TRIP11: variants seen among roughly 807,000 people sequenced by gnomAD.
TRIP11 encodes thyroid hormone receptor interactor 11.
A neutral mutation model predicts 223.1 loss-of-function variants in TRIP11; 148 were observed. The ratio of observed to expected loss-of-function variants is 0.66; its 90% CI spans 0.58 to 0.76. The LOEUF is 0.76. Among genes scored for constraint, TRIP11 ranks in the 30% least tolerant of loss-of-function variants. The pLI, the probability that TRIP11 is intolerant of heterozygous loss-of-function variation, is 0.00. For synonymous variants in TRIP11, 762 were observed against 772.6 expected (o/e 0.99, Z 0.23); for missense variants, 2,043 against 2,222.0 (o/e 0.92, Z 1.62).
At position 91,976,235 on chromosome 14, in the gene TRIP11, T is replaced by C. The variant is rs1482439349; in HGVS notation, c.5261-46A>G. On this transcript the variant is annotated intron_variant, in intron 16 of 20. Coordinates refer to ENST00000267622, the MANE Select transcript of TRIP11 (RefSeq NM_004239.4). Reference sequence around the variant, plus strand: ...AAAGATAGCCATTAACTGATTAAAATAGTCTGGATGACTATATAATGAAAT... The same window carrying C: ...AAAGATAGCCATTAACTGATTAAAACAGTCTGGATGACTATATAATGAAAT... The C allele has an allele frequency of 2.7e-6, 4 of 1,503,118 alleles. No individual in the cohort carries two copies. In the African/African-American group the frequency reaches 4.1e-5, roughly 15 times the overall value. The allele number at this position is 1,503,118 out of a possible 1,614,324, so 93.1% of individuals were successfully genotyped here.
intron 15 of TRIP11, among the ~76,000 whole-genome samples, chr14:91,991,657 C>T (rs1566850946): frequency 6.6e-6 from 1 of 152,114 alleles, no homozygotes; most frequent in South Asian, 2.1e-4. Flanking sequence ...ATCTGAAATA[C>T]CCTTTATTAA....
chr14:92,013,441 T>C (rs2056997869), intron 7 of TRIP11, among the ~76,000 whole-genome samples: 4 of 152,220 alleles, frequency 2.6e-5, no homozygotes, highest in Admixed American at 1.3e-4. Flanking sequence ...TGTTAACCTG[T>C]CCAAGGTCAG....
chr14:91,971,502 A>C (rs2056399951), intron 20 of TRIP11, among the ~76,000 whole-genome samples: 1 of 151,632 alleles, frequency 6.6e-6, no homozygotes, highest in South Asian at 2.1e-4. Context: ...TGATACAAGA[A>C]AGGGGAAAGG....
Position 92,004,443 on chromosome 14 carries a change from T to A in TRIP11, c.3533A>T (p.Gln1178Leu). The A allele has an allele frequency of 1.2e-6, 2 of 1,613,906 alleles. No individual in the cohort carries two copies. Among genetic ancestry groups the A allele is most frequent in the Admixed American group, 1.7e-5 (1 of 60,020 alleles). The change falls in exon 11 of 21, where the codon CAG (glutamine) becomes CTG (leucine). Residue 1178 changes from glutamine (Q) to leucine (L), a missense_variant. Gln to Leu is a moderately radical substitution (Grantham distance 113). Transcript: ENST00000267622. Reference protein sequence around the residue: ...EKDIEIDALSQKCQTLLAVLQ... With the variant: ...EKDIEIDALSLKCQTLLAVLQ... ...AACTGCCAATAAAGTCTGACATTTC[T>A]GACTTAGTGCATCTATTTCGATGTC...
Position 92,015,845 on chromosome 14 carries a change from C to A in TRIP11, c.674G>T (p.Arg225Leu). Residue 225 changes from arginine (R) to leucine (L), a missense_variant, in exon 6 of 21, where the codon CGA becomes CTA. Physicochemically the swap from Arg to Leu is moderately radical, Grantham distance 102. Coordinates refer to ENST00000267622, the MANE Select transcript of TRIP11 (RefSeq NM_004239.4). ...TTGATGGTCATCAATTTCCTGACTT[C>A]GGTTCTGTTTTAGTTCCTTAAAAAA... is the stretch of plus-strand genomic sequence containing the variant. ...QNIIKELKQN[R>L]SQEIDDHQHE... is the part of the protein sequence containing the mutation. 1 of 1,611,310 alleles carries A rather than the reference C, an allele frequency of 6.2e-7. No homozygotes were observed. Among genetic ancestry groups the A allele is most frequent in the Non-Finnish European group, 8.5e-7 (1 of 1,179,366 alleles).
intron 16 of TRIP11, among the ~76,000 whole-genome samples, chr14:91,982,186 A>C (rs2056553779): frequency 6.6e-6 from 1 of 152,154 alleles, no homozygotes; most frequent in African/African-American, 2.4e-5. Flanking sequence ...AATATAACCA[A>C]ATCAAATTTA....
chr14:92,002,575 TTTTC>T (rs931333518), intron 11 of TRIP11, among the ~76,000 whole-genome samples: 1 of 151,910 alleles, frequency 6.6e-6, no homozygotes, highest in East Asian at 1.9e-4. Flanking sequence ...CTTTTTTTTT[TTTTC>T]TTTTTCTTTT....
At chr14:92,020,309 C>CAGAA (rs1403797372) in intron 4 of TRIP11, among the ~76,000 whole-genome samples, 2 of 151,624 alleles carry the variant, frequency 1.3e-5, no homozygotes, top group East Asian at 3.9e-4. Context: ...ATCTGAAACA[C>CAGAA]TTCTAGTCTC....
At chr14:92,029,632 G>T (rs893937236) in intron 2 of TRIP11, among the ~76,000 whole-genome samples, 2 of 117,914 alleles carry the variant, frequency 1.7e-5, no homozygotes, top group African/African-American at 7.0e-5. Flanking sequence ...CTTTTTAAAA[G>T]AAAACAGCTG....
At chr14:92,003,150 C>G (rs1434222268) in intron 11 of TRIP11, among the ~76,000 whole-genome samples, 1 of 152,138 alleles carries the variant, frequency 6.6e-6, no homozygotes, top group Non-Finnish European at 1.5e-5. Context: ...TGAGACACAT[C>G]TGTTTCCTAA....
chr14:91,989,703 G>A lies in TRIP11; in HGVS notation c.5161-1320C>T, dbSNP rs2056649414. ...TTATTCAATCAAATATGATCTAGAT[G>A]TTGCTGTGAAGGTATTCTGCAAATG... On this transcript the variant is annotated intron_variant, in intron 15 of 20. Transcript: ENST00000267622. Among the ~76,000 whole-genome samples, 3 of 151,900 alleles carry A rather than the reference G, an allele frequency of 2.0e-5. No homozygotes were observed. In the South Asian group the frequency reaches 6.2e-4, roughly 32 times the overall value.
At position 92,005,850 on chromosome 14, in the gene TRIP11, G is replaced by A. The variant is rs1237200677; in HGVS notation, c.2126C>T (p.Thr709Ile). 2 of 1,613,976 alleles carry A rather than the reference G, an allele frequency of 1.2e-6. No homozygotes were observed. Among genetic ancestry groups the A allele is most frequent in the East Asian group, 2.2e-5 (1 of 44,850 alleles). The part of the protein sequence containing the change: ...GNNQLSLEKN[T>I]IVETLKMEKG... The stretch of plus-strand genomic sequence containing the variant: ...TTCCATTTTTAGAGTCTCCACAATA[G>A]TGTTTTTTTCCAGAGAAAGCTGATT... Residue 709 changes from threonine (T) to isoleucine (I), a missense_variant, in exon 11 of 21, where the codon ACT becomes ATT. By Grantham distance (89) the Thr-to-Ile change is moderately conservative. Transcript: ENST00000267622.
intron 3 of TRIP11, among the ~76,000 whole-genome samples, chr14:92,022,120 C>CA (rs1393380947): frequency 6.6e-6 from 1 of 152,194 alleles, no homozygotes; most frequent in African/African-American, 2.4e-5. Flanking sequence ...GCTATCTTCT[C>CA]TGCATGGAGT....
chr14:92,021,575 T>C lies in TRIP11; in HGVS notation c.569A>G (p.His190Arg), dbSNP rs769147539. ...EVSRLESEVGHWRHIAQTSKA... is the reference protein window; with the variant it reads ...EVSRLESEVGRWRHIAQTSKA... The stretch of plus-strand genomic sequence containing the variant: ...ATCTACCTGAGCAATATGCCTCCAA[T>C]GGCCAACTTCAGACTCAAGTCTTGA... Residue 190 changes from histidine (H) to arginine (R), a missense_variant, in exon 4 of 21, where the codon CAT (histidine) becomes CGT (arginine). By Grantham distance (29) the His-to-Arg change is conservative (BLOSUM62 0). Transcript: ENST00000267622. 6.2e-7 allele frequency: 1 copy of C among 1,614,188 alleles called. No homozygotes were observed. Among genetic ancestry groups the C allele is most frequent in the Non-Finnish European group, 8.5e-7 (1 of 1,180,028 alleles).
At chr14:92,003,290 C>T in intron 11 of TRIP11, 129 bp downstream of exon 11, 1 of 1,315,956 alleles carries the variant, frequency 7.6e-7, no homozygotes, top group Non-Finnish European at 1.0e-6. Context: ...GAATGAATCA[C>T]ACCTTGAAAT....
intron 8 of TRIP11, among the ~76,000 whole-genome samples, 186 bp from the exon 9 acceptor site, chr14:92,011,258 G>A (rs377594563): frequency 6.6e-6 from 1 of 152,104 alleles, no homozygotes; most frequent in East Asian, 1.9e-4. Context: ...TTGGGAGGCT[G>A]AGGCAGGCAG....
At chr14:92,009,518 G>A (rs373560850) in intron 9 of TRIP11, among the ~76,000 whole-genome samples, 4 of 152,152 alleles carry the variant, frequency 2.6e-5, no homozygotes, top group East Asian at 1.9e-4. Flanking sequence ...AACTACAAAC[G>A]ACTAGGTCAG....
At position 92,011,056 on chromosome 14, in the gene TRIP11, T is replaced by A; in HGVS notation, c.1244A>T (p.Glu415Val). 7.4e-6 allele frequency: 12 copies of A among 1,614,062 alleles called. No individual in the cohort carries two copies. Among genetic ancestry groups the A allele is most frequent in the African/African-American group, 1.3e-5 (1 of 75,036 alleles). The stretch of plus-strand genomic sequence containing the variant: ...ACGCATTTTAAGTTTCAGATTGTCT[T>A]CAGCAAGACTGTTATCCTACAAAAA... The part of the protein sequence containing the change: ...SSLNQDNSLA[E>V]DNLKLKMRIE... Residue 415 changes from glutamate (E) to valine (V), a missense_variant, in exon 9 of 21, where the codon GAA becomes GTA. By Grantham distance (121) the Glu-to-Val change is moderately radical. Transcript: ENST00000267622.
Position 91,974,762 on chromosome 14 carries a change from A to G in TRIP11, c.5458-19T>C. On this transcript the variant is annotated intron_variant, in intron 18 of 20. Coordinates refer to ENST00000267622, the MANE Select transcript of TRIP11 (RefSeq NM_004239.4). ...GAAACAACTGAAAGATTATTTTAAA[A>G]CAGACAAATATTATCAGTACAAGAA... is the stretch of plus-strand genomic sequence containing the variant. 1 of 1,571,524 alleles carries G rather than the reference A, an allele frequency of 6.4e-7. No homozygotes were observed. Among genetic ancestry groups the G allele is most frequent in the Non-Finnish European group, 8.7e-7 (1 of 1,144,884 alleles).
Sources: allele counts gnomAD v4.1 joint callset (sites outside exome capture counted in the v4.1 genomes callset), GRCh38; gene constraint gnomAD v4.1.1; transcripts MANE v1.5; gene names NCBI Gene and HGNC (gene_info 2026-07-23, HGNC 2026-07-21).